The following FBXO38 variants were observed in gnomAD, a reference collection of about 807,000 sequenced individuals.
FBXO38 encodes F-box protein 38.
FBXO38 carries 53 observed loss-of-function variants against 131.9 expected under a neutral mutation model. The ratio of observed to expected loss-of-function variants is 0.40; its 90% CI spans 0.32 to 0.51. The LOEUF (loss-of-function observed/expected upper bound fraction) is 0.51. Ranked by LOEUF, FBXO38 falls within the 20% of genes least tolerant of loss-of-function variation. FBXO38 has a pLI of 0.53. For synonymous variants in FBXO38, 452 were observed against 505.6 expected (o/e 0.89, Z 1.42); for missense variants, 1,076 against 1,475.6 (o/e 0.73, Z 4.44).
At position 148,439,636 on chromosome 5, in the gene FBXO38, G is replaced by A. The variant is rs372858978; in HGVS notation, c.3025-11G>A. ...TTTGTTGAAGACATCTCTTTATGAT[G>A]TCTTCCACAGGTGGACACTCTAACT... On this transcript the variant is annotated splice_polypyrimidine_tract_variant and intron_variant, in intron 18 of 21. Coordinates refer to ENST00000340253, the MANE Select transcript of FBXO38 (RefSeq NM_205836.3). 1.2e-6 allele frequency: 2 copies of A among 1,612,602 alleles called. No homozygotes were observed. Among genetic ancestry groups the A allele is most frequent in the Non-Finnish European group, 1.7e-6 (2 of 1,179,240 alleles).
At chr5:148,418,409 C>A (rs898915908) in intron 12 of FBXO38, among the ~76,000 whole-genome samples, 1 of 152,140 alleles carries the variant, frequency 6.6e-6, no homozygotes, top group South Asian at 2.1e-4. Flanking sequence ...TGTTTCCAGC[C>A]TTAACTTGTA....
chr5:148,440,322 C>T (rs942668748), intron 19 of FBXO38, 102 bp from the exon 20 acceptor site: 14 of 705,300 alleles, frequency 2.0e-5, no homozygotes, highest in African/African-American at 1.3e-4. Context: ...TTGAGATGTT[C>T]GGTAGAATCT....
intron 5 of FBXO38, among the ~76,000 whole-genome samples, chr5:148,403,608 T>G (rs1752283443): frequency 6.6e-6 from 1 of 152,168 alleles, no homozygotes; most frequent in South Asian, 2.1e-4. Flanking sequence ...TCATCCTTAA[T>G]TTTACTTCCC....
Position 148,438,466 on chromosome 5 carries a change from A to G in FBXO38, c.2992A>G (p.Asn998Asp). The change falls in exon 18 of 22, where the codon AAC becomes GAC. Residue 998 changes from asparagine to aspartate, a missense_variant. By Grantham distance (23) the Asn-to-Asp change is conservative. This residue lies in a region of FBXO38 where 282 missense variants were observed against 418.8 expected (regional missense o/e 0.67). Transcript: ENST00000340253. ...GATACTAAGAATGCCACCCGAGAGAAACCGCATCATATACCTACGCCCAAT... is the reference window on the plus strand; with the variant it reads ...GATACTAAGAATGCCACCCGAGAGAGACCGCATCATATACCTACGCCCAAT... Reference protein sequence around the residue: ...DQILRMPPERNRIIYLRPMQQ... With the variant: ...DQILRMPPERDRIIYLRPMQQ... The G allele has an allele frequency of 6.2e-7, 1 of 1,614,044 alleles. No homozygotes were observed. The highest frequency in any genetic ancestry group is 8.5e-7 in the Non-Finnish European group (1 of 1,179,898).
In FBXO38 at chr5:148,404,797, A is replaced by T; in HGVS notation, c.705A>T (p.Arg235Ser). 1 of 1,607,622 alleles carries T rather than the reference A, an allele frequency of 6.2e-7. No individual in the cohort carries two copies. The highest frequency in any genetic ancestry group is 8.5e-7 in the Non-Finnish European group (1 of 1,178,052). ...AAGACTTCCTTTGTATCAGCTTAAG[A>T]ACTTTCGTCATGAGGAACTGTGCAG... ...PFKDFLCISLRTFVMRNCAGP... is the reference protein window; with the variant it reads ...PFKDFLCISLSTFVMRNCAGP... The change falls in exon 6 of 22, where the codon AGA (arginine) becomes AGT (serine). Residue 235 changes from arginine to serine, a missense_variant. This residue lies in a region of FBXO38 where 66 missense variants were observed against 72.4 expected (regional missense o/e 0.91). Transcript: ENST00000340253.
intron 17 of FBXO38, among the ~76,000 whole-genome samples, chr5:148,436,267 G>GC (rs1231085260): frequency 6.6e-6 from 1 of 152,034 alleles, no homozygotes; most frequent in Non-Finnish European, 1.5e-5. Context: ...CATGACATAT[G>GC]CACACACCCA....
chr5:148,433,198 G>A (rs1010209165), intron 15 of FBXO38: 2 of 423,096 alleles, frequency 4.7e-6, no homozygotes, highest in Non-Finnish European at 8.6e-6. Context: ...GATGACCTAG[G>A]CATGAGAAGG....
chr5:148,398,052 G>A (rs1051932631), intron 2 of FBXO38, among the ~76,000 whole-genome samples: 2 of 152,066 alleles, frequency 1.3e-5, no homozygotes, highest in African/African-American at 4.8e-5. Flanking sequence ...CATCTCATTG[G>A]CTAAAGTTAA....
chr5:148,391,279 A>G (rs1758182187), intron 1 of FBXO38, among the ~76,000 whole-genome samples: 1 of 152,202 alleles, frequency 6.6e-6, no homozygotes, highest in African/African-American at 2.4e-5. Context: ...GTGGATATTC[A>G]TACATTAGAT....
intron 8 of FBXO38, 63 bp from the exon 9 acceptor site, chr5:148,410,572 G>A: frequency 6.4e-7 from 1 of 1,572,564 alleles, no homozygotes; most frequent in Non-Finnish European, 8.7e-7. Flanking sequence ...CTTATATTAG[G>A]AGGAATCTTT....
At chr5:148,417,672 T>G (rs902887950) in intron 12 of FBXO38, among the ~76,000 whole-genome samples, 2 of 152,188 alleles carry the variant, frequency 1.3e-5, no homozygotes, top group African/African-American at 2.4e-5. Flanking sequence ...GCAGATTAAG[T>G]ACATTAGCTA....
intron 2 of FBXO38, among the ~76,000 whole-genome samples, chr5:148,398,586 A>G (rs1173252436): frequency 6.6e-6 from 1 of 152,082 alleles, no homozygotes; most frequent in Non-Finnish European, 1.5e-5. Flanking sequence ...GATTCTGTAA[A>G]AGATACGAAA....
chr5:148,425,409 G>A (rs1444937625), intron 13 of FBXO38, 113 bp from the exon 14 acceptor site: 3 of 745,242 alleles, frequency 4.0e-6, no homozygotes, highest in Non-Finnish European at 6.7e-6. Flanking sequence ...GCCAGGGGAG[G>A]CTGTATAGAG....
At position 148,442,202 on chromosome 5, in the gene FBXO38, C is replaced by T. The variant is rs1411207744; in HGVS notation, c.*55C>T. On this transcript the variant is annotated 3_prime_UTR_variant, in exon 22 of 22. Transcript: ENST00000340253. Reference sequence around the variant, plus strand: ...TCAGAAAGCAAGTAGGGCCATCCAGCTGCCAGAGTGCTCCACAGGGACTTG... The same window carrying T: ...TCAGAAAGCAAGTAGGGCCATCCAGTTGCCAGAGTGCTCCACAGGGACTTG... 6.5e-7 allele frequency: 1 copy of T among 1,548,656 alleles called. No individual in the cohort carries two copies. Among genetic ancestry groups the T allele is most frequent in the African/African-American group, 1.4e-5 (1 of 73,820 alleles).
intron 12 of FBXO38, among the ~76,000 whole-genome samples, chr5:148,420,336 A>G (rs1423308803): frequency 6.6e-6 from 1 of 152,106 alleles, no homozygotes; most frequent in Non-Finnish European, 1.5e-5. Context: ...TGTGTCGCCC[A>G]GTCTGGTCTC....
In FBXO38 at chr5:148,442,669, T is replaced by G. The variant is rs1053924621; in HGVS notation, c.*522T>G. 4 of 152,188 alleles carry G rather than the reference T, an allele frequency of 2.6e-5. No individual in the cohort carries two copies. Among genetic ancestry groups the G allele is most frequent in the African/African-American group, 9.6e-5 (4 of 41,454 alleles). 9.4% of individuals were successfully genotyped at this position (152,188 alleles called of 1,614,324 possible). On this transcript the variant is annotated 3_prime_UTR_variant, in exon 22 of 22. Coordinates refer to ENST00000340253, the MANE Select transcript of FBXO38 (RefSeq NM_205836.3). Reference sequence around the variant, plus strand: ...AAGCTGTAGTTCTTTCTTAGTATTATAGTTGCCATGTTTCTTAAAATCAAG... The same window carrying G: ...AAGCTGTAGTTCTTTCTTAGTATTAGAGTTGCCATGTTTCTTAAAATCAAG...
intron 1 of FBXO38, among the ~76,000 whole-genome samples, chr5:148,392,456 C>T (rs1174201251): frequency 1.3e-5 from 2 of 151,892 alleles, no homozygotes. Context: ...TCATTTTGAA[C>T]ATAGTGTTTT....
At chr5:148,390,708 T>TTA (rs1758153752) in intron 1 of FBXO38, among the ~76,000 whole-genome samples, 1 of 152,284 alleles carries the variant, frequency 6.6e-6, no homozygotes, top group African/African-American at 2.4e-5. Flanking sequence ...TAAGTGGAGT[T>TTA]TTATAAACTC....
chr5:148,402,371 G>A lies in FBXO38; in HGVS notation c.450G>A (p.Glu150=). 1 of 1,607,110 alleles carries A rather than the reference G, an allele frequency of 6.2e-7. No homozygotes were observed. Among genetic ancestry groups the A allele is most frequent in the Non-Finnish European group, 8.5e-7 (1 of 1,175,300 alleles). Residue 150 remains glutamate (E), a synonymous_variant, in exon 5 of 22, where the codon GAG becomes GAA. Coordinates refer to ENST00000340253, the MANE Select transcript of FBXO38 (RefSeq NM_205836.3). The part of the protein sequence containing the change: ...NLVGVETSHL[E]LVESIWTYMP... ...AGGGTGTGGAAACTTCTCATTTGGA[G>A]TTGGTAGAATCCATTTGGACATATA...
Sources: allele counts gnomAD v4.1 joint callset (sites outside exome capture counted in the v4.1 genomes callset), GRCh38; gene constraint gnomAD v4.1.1; regional missense constraint gnomAD v4.1.1; transcripts MANE v1.5; gene names NCBI Gene and HGNC (gene_info 2026-07-23, HGNC 2026-07-21).